The following ADAMTS2 variants were observed in gnomAD, a reference collection of about 807,000 sequenced individuals.
ADAMTS2 encodes the protein ADAM metallopeptidase with thrombospondin type 1 motif 2.
A neutral mutation model predicts 123.0 loss-of-function variants in ADAMTS2; 50 were observed. That is an observed-to-expected ratio of 0.41 (90% CI 0.32 to 0.51). The LOEUF (loss-of-function observed/expected upper bound fraction) is 0.51. Among genes scored for constraint, ADAMTS2 ranks in the 20% least tolerant of loss-of-function variants. The probability of loss-of-function intolerance (pLI) is 0.35; values close to 1 mark genes in which losing one functional copy is unlikely to be tolerated. For missense variants in ADAMTS2, 1,494 were observed against 1,705.2 expected (o/e 0.88, Z 2.18); for synonymous variants, 678 against 695.4 (o/e 0.98, Z 0.39).
intron 2 of ADAMTS2, among the ~76,000 whole-genome samples, chr5:179,288,704 C>A (rs1756099215): frequency 6.6e-6 from 1 of 152,256 alleles, no homozygotes; most frequent in Non-Finnish European, 1.5e-5. Context: ...ACCAAAGGCG[C>A]CGTATCCAGA....
At chr5:179,294,164 G>GA (rs1267034476) in intron 2 of ADAMTS2, among the ~76,000 whole-genome samples, 1 of 152,058 alleles carries the variant, frequency 6.6e-6, no homozygotes. Context: ...GCTGAGGTGG[G>GA]AGAATCACCT....
intron 12 of ADAMTS2, among the ~76,000 whole-genome samples, chr5:179,137,242 G>A (rs927213610): frequency 6.6e-5 from 10 of 152,206 alleles, no homozygotes; most frequent in East Asian, 3.9e-4. Flanking sequence ...TTTACAGTCC[G>A]TCCCAGGAGG....
rs150441863 is a variant in ADAMTS2 at position 179,254,380 on chromosome 5, T to C, written c.688+18531A>G. ...GAGTAGATTAGTGGTCACTATGAGCTGGGAAGGGGAATGGGGAGTGACTGC... is the reference window on the plus strand; with the variant it reads ...GAGTAGATTAGTGGTCACTATGAGCCGGGAAGGGGAATGGGGAGTGACTGC... On this transcript the variant is annotated intron_variant, in intron 3 of 21. Coordinates refer to ENST00000251582, the MANE Select transcript of ADAMTS2 (RefSeq NM_014244.5). Among the ~76,000 whole-genome samples, 294 of 152,070 alleles carry C rather than the reference T, an allele frequency of 1.9e-3. 1 individual carries two copies. The highest frequency in any genetic ancestry group is 3.4e-3 in the Middle Eastern group (1 of 294).
At chr5:179,184,426 A>C (rs930549599) in intron 4 of ADAMTS2, among the ~76,000 whole-genome samples, 7 of 149,980 alleles carry the variant, frequency 4.7e-5, no homozygotes, top group African/African-American at 1.7e-4. Flanking sequence ...CAGGAGAATC[A>C]CTTGAACCCA....
Position 179,177,019 on chromosome 5 carries a change from C to T in ADAMTS2, c.975+4053G>A, listed in dbSNP as rs368926164. The stretch of plus-strand genomic sequence containing the variant: ...CCTTGTAAGGAAAGACTGCCTGACC[C>T]GCGTCTCCTCCATCCAGCCCTGAGC... On this transcript the variant is annotated intron_variant, in intron 5 of 21. Transcript: ENST00000251582. 5.4e-4 allele frequency among the ~76,000 whole-genome samples: 82 copies of T among 152,272 alleles called. 2 individuals carry two copies. The South Asian group carries it at 0.016, about 29-fold the overall frequency.
intron 3 of ADAMTS2, among the ~76,000 whole-genome samples, chr5:179,220,459 T>G (rs1765100491): frequency 6.6e-6 from 1 of 152,056 alleles, no homozygotes; most frequent in African/African-American, 2.4e-5. Context: ...AGGCCTCAGG[T>G]ACCTCACACT....
intron 4 of ADAMTS2, among the ~76,000 whole-genome samples, chr5:179,186,870 T>A (rs991349017): frequency 8.7e-6 from 1 of 115,196 alleles, no homozygotes; most frequent in South Asian, 3.2e-4. Context: ...CATTCTTCAC[T>A]ACGATCACCA....
chr5:179,208,153 C>T (rs1472458926), intron 3 of ADAMTS2, among the ~76,000 whole-genome samples: 7 of 150,644 alleles, frequency 4.6e-5, no homozygotes, highest in Non-Finnish European at 8.9e-5. Context: ...ACCCCTTGCC[C>T]ACACTGCCCG....
intron 3 of ADAMTS2, among the ~76,000 whole-genome samples, chr5:179,244,635 T>G (rs891184404): frequency 6.6e-6 from 1 of 152,220 alleles, no homozygotes; most frequent in Non-Finnish European, 1.5e-5. Context: ...TCTCTTTTCT[T>G]CCCTTAACTG....
At chr5:179,302,277 C>T (rs1388787855) in intron 2 of ADAMTS2, among the ~76,000 whole-genome samples, 1 of 148,554 alleles carries the variant, frequency 6.7e-6, no homozygotes, top group Non-Finnish European at 1.5e-5. Flanking sequence ...CTGGCTAACA[C>T]AGTGAAACCC....
In ADAMTS2 at chr5:179,332,876, A is replaced by C. The variant is rs540669453; in HGVS notation, c.534+10891T>G. 6.6e-6 allele frequency among the ~76,000 whole-genome samples: 1 copy of C among 152,256 alleles called. No individual in the cohort carries two copies. Among genetic ancestry groups the C allele is most frequent in the African/African-American group, 2.4e-5 (1 of 41,562 alleles). ...CCACTGCCCCCACCTTGCCCTGATC[A>C]GGTCTGCAGGATCAGTGCTCAACGC... On this transcript the variant is annotated intron_variant, in intron 2 of 21. Coordinates refer to ENST00000251582, the MANE Select transcript of ADAMTS2 (RefSeq NM_014244.5). The surrounding 1 kb of genome is among the most constrained non-coding windows in gnomAD (Gnocchi z 4.2).
At position 179,112,796 on chromosome 5, in the gene ADAMTS2, A is replaced by C. The variant is rs1194922911; in HGVS notation, c.*1071T>G. On this transcript the variant is annotated 3_prime_UTR_variant, in exon 22 of 22. Coordinates refer to ENST00000251582, the MANE Select transcript of ADAMTS2 (RefSeq NM_014244.5). The stretch of plus-strand genomic sequence containing the variant: ...TCTCATCTTTCTCAGGTACTTGGGG[A>C]GGGAAGAGGCTCTCTGGGGAGCCCT... 6.6e-6 allele frequency: 1 copy of C among 152,100 alleles called. No individual in the cohort carries two copies. The highest frequency in any genetic ancestry group is 1.5e-5 in the Non-Finnish European group (1 of 68,064). 9.4% of individuals were successfully genotyped at this position (152,100 alleles called of 1,614,324 possible).
intron 2 of ADAMTS2, among the ~76,000 whole-genome samples, chr5:179,337,953 C>T (rs887025475): frequency 6.6e-6 from 1 of 151,768 alleles, no homozygotes; most frequent in Non-Finnish European, 1.5e-5. Flanking sequence ...CACCTCCCAG[C>T]TGACTCTGCA....
At chr5:179,343,603 C>T (rs1011888929) in intron 2 of ADAMTS2, among the ~76,000 whole-genome samples, 164 bp downstream of exon 2, 2 of 152,258 alleles carry the variant, frequency 1.3e-5, no homozygotes, top group African/African-American at 2.4e-5. Flanking sequence ...AACCTGCTTT[C>T]CAGCCAAGCC....
intron 4 of ADAMTS2, among the ~76,000 whole-genome samples, chr5:179,195,444 GCTT>G (rs1347866917): frequency 6.6e-6 from 1 of 152,220 alleles, no homozygotes; most frequent in Non-Finnish European, 1.5e-5. Context: ...GTGCAGTGTG[GCTT>G]CTTAATTTCA....
intron 21 of ADAMTS2, among the ~76,000 whole-genome samples, chr5:179,114,888 C>A (rs546917343): frequency 1.3e-5 from 2 of 152,198 alleles, no homozygotes; most frequent in African/African-American, 4.8e-5. Context: ...ACCCAGATGC[C>A]CCGGACGATC....
chr5:179,287,604 G>T (rs1282053308), intron 2 of ADAMTS2, among the ~76,000 whole-genome samples: 2 of 81,310 alleles, frequency 2.5e-5, no homozygotes, highest in Non-Finnish European at 7.2e-5. Context: ...GTTGGAAGAC[G>T]GGGTATGCAA....
intron 2 of ADAMTS2, among the ~76,000 whole-genome samples, chr5:179,339,118 T>C (rs1027420051): frequency 2.0e-5 from 3 of 152,202 alleles, no homozygotes; most frequent in African/African-American, 7.2e-5. Context: ...TCCCTTCTTG[T>C]ATGATAGGCC....
In ADAMTS2 at chr5:179,345,438, C is replaced by T; in HGVS notation, c.-110G>A. On this transcript the variant is annotated 5_prime_UTR_variant, in exon 1 of 22. Coordinates refer to ENST00000251582, the MANE Select transcript of ADAMTS2 (RefSeq NM_014244.5). The surrounding 1 kb of genome is among the most constrained non-coding windows in gnomAD (Gnocchi z 7.5). ...CTGGAGCCGCCCGCAGCTGCAGCAC[C>T]GCAGGGCGCGGGGCGGAGGAGGCGA... is the stretch of plus-strand genomic sequence containing the variant. The T allele has an allele frequency of 5.3e-6, 5 of 941,520 alleles. No homozygotes were observed. The highest frequency in any genetic ancestry group is 6.4e-6 in the Non-Finnish European group (5 of 785,464). The allele number at this position is 941,520 out of a possible 1,614,324, so 58.3% of individuals were successfully genotyped here.
Sources: allele counts gnomAD v4.1 joint callset (sites outside exome capture counted in the v4.1 genomes callset), GRCh38; gene constraint gnomAD v4.1.1; non-coding constraint Gnocchi (gnomAD v3.1); transcripts MANE v1.5; gene names NCBI Gene and HGNC (gene_info 2026-07-23, HGNC 2026-07-21).